EBF1: variants seen among roughly 807,000 people sequenced by gnomAD.
EBF1 encodes EBF transcription factor 1.
In EBF1, 10 loss-of-function variants were observed where a neutral mutation model predicts 68.4. That is an observed-to-expected ratio of 0.15 (90% CI 0.09 to 0.25). EBF1 has a LOEUF of 0.25. Among genes scored for constraint, EBF1 ranks in the 10% least tolerant of loss-of-function variants. The pLI, the probability that EBF1 is intolerant of heterozygous loss-of-function variation, is 1.00. For missense variants in EBF1, 509 were observed against 794.4 expected (o/e 0.64, Z 4.32); for synonymous variants, 298 against 299.8 (o/e 0.99, Z 0.06).
intron 6 of EBF1, among the ~76,000 whole-genome samples, chr5:158,878,593 G>A (rs185940742): frequency 6.6e-6 from 1 of 150,950 alleles, no homozygotes; most frequent in African/African-American, 2.4e-5. Flanking sequence ...ACACTCAGAC[G>A]AGTAATTTGA....
chr5:159,087,335 T>C lies in EBF1; in HGVS notation c.412-2596A>G, dbSNP rs191609688. On this transcript the variant is annotated intron_variant, in intron 4 of 15. Transcript: ENST00000313708. ...ACACATATATATACACATATATATA[T>C]ACACACACATATATATATACACATA... is the stretch of plus-strand genomic sequence containing the variant. Among the ~76,000 whole-genome samples, 14 of 139,142 alleles carry C rather than the reference T, an allele frequency of 1.0e-4. No individual in the cohort carries two copies. The East Asian group carries it at 1.6e-3, about 16-fold the overall frequency. 91.3% of individuals were successfully genotyped at this position (139,142 alleles called of 152,430 possible).
intron 10 of EBF1, among the ~76,000 whole-genome samples, chr5:158,747,175 C>T (rs1767769843): frequency 6.6e-6 from 1 of 152,162 alleles, no homozygotes; most frequent in African/African-American, 2.4e-5. Flanking sequence ...TAGTCAACAG[C>T]TGAATCACAA....
chr5:159,096,503 A>C (rs1584593308), intron 2 of EBF1, 97 bp from the exon 3 acceptor site: 1 of 1,430,642 alleles, frequency 7.0e-7, no homozygotes. Context: ...CCAAGCCGGG[A>C]CCCCCGCTGG....
At chr5:158,782,969 A>G (rs1022394090) in intron 9 of EBF1, among the ~76,000 whole-genome samples, 5 of 152,196 alleles carry the variant, frequency 3.3e-5, no homozygotes, top group Non-Finnish European at 7.4e-5. Context: ...TAAGTGGTAA[A>G]AAAGAAAAGG....
intron 6 of EBF1, among the ~76,000 whole-genome samples, chr5:158,926,886 C>G (rs150618835): frequency 6.6e-6 from 1 of 151,918 alleles, no homozygotes; most frequent in Non-Finnish European, 1.5e-5. Flanking sequence ...TAATTGCAAC[C>G]GAATCAATAC....
intron 10 of EBF1, among the ~76,000 whole-genome samples, chr5:158,747,382 G>C (rs1342976378): frequency 1.3e-5 from 2 of 152,190 alleles, no homozygotes; most frequent in South Asian, 2.1e-4. Flanking sequence ...GTGGCTGCTA[G>C]TCTTGGGTGA....
chr5:158,926,727 C>CA (rs1156550821), intron 6 of EBF1, among the ~76,000 whole-genome samples: 886 of 71,638 alleles, frequency 0.012, 6 homozygotes, highest in African/African-American at 0.029. Context: ...GACTACATTT[C>CA]AAAAAAAAAA....
intron 6 of EBF1, among the ~76,000 whole-genome samples, chr5:158,858,740 G>A (rs999268649): frequency 4.6e-5 from 7 of 152,156 alleles, no homozygotes; most frequent in Admixed American, 3.9e-4. Flanking sequence ...TTTAAAACGT[G>A]CCTCTATATT....
intron 6 of EBF1, among the ~76,000 whole-genome samples, chr5:159,038,273 G>T (rs751756803): frequency 7.9e-5 from 12 of 152,142 alleles, no homozygotes; most frequent in Non-Finnish European, 1.3e-4. Context: ...AACAGTGGAG[G>T]GAAATGAGGG....
intron 6 of EBF1, among the ~76,000 whole-genome samples, chr5:158,899,608 C>T (rs528126378): frequency 1.5e-4 from 23 of 152,290 alleles, no homozygotes; most frequent in Non-Finnish European, 2.9e-4. Flanking sequence ...AGAACACTTG[C>T]AATATAGGAA....
chr5:158,700,892 C>A (rs1453710380), intron 15 of EBF1, among the ~76,000 whole-genome samples: 2 of 152,042 alleles, frequency 1.3e-5, no homozygotes, highest in Non-Finnish European at 2.9e-5. Flanking sequence ...CCAACTTAAA[C>A]CCCCAAAGAC....
chr5:159,096,236 C>G (rs1782582758), intron 3 of EBF1, 107 bp downstream of exon 3: 1 of 1,217,022 alleles, frequency 8.2e-7, no homozygotes, highest in Non-Finnish European at 1.1e-6. Context: ...TCAAATAAAG[C>G]GGATGACTGA....
rs142174298 is a variant in EBF1 at position 158,832,276 on chromosome 5, T to C, written c.636+7753A>G. Among the ~76,000 whole-genome samples, 213 of 152,330 alleles carry C rather than the reference T, an allele frequency of 1.4e-3. 1 individual carries two copies. Among genetic ancestry groups the C allele is most frequent in the African/African-American group, 4.7e-3 (194 of 41,580 alleles). On this transcript the variant is annotated intron_variant, in intron 7 of 15. Coordinates refer to ENST00000313708, the MANE Select transcript of EBF1 (RefSeq NM_024007.5). ...ACTCATCAAATGCTGTTCATAAAGATTCCTTCTCAGTGATGCACACTTTCT... is the reference window on the plus strand; with the variant it reads ...ACTCATCAAATGCTGTTCATAAAGACTCCTTCTCAGTGATGCACACTTTCT...
chr5:158,696,789 G>T lies in EBF1; in HGVS notation c.*2322C>A, dbSNP rs1755836091. ...TGAAAACCATTGCAAAATCCATATGGGGGCATGCACAGTTGCAGCATTGTT... is the reference window on the plus strand; with the variant it reads ...TGAAAACCATTGCAAAATCCATATGTGGGCATGCACAGTTGCAGCATTGTT... On this transcript the variant is annotated 3_prime_UTR_variant, in exon 16 of 16. Transcript: ENST00000313708. 1 of 182,592 alleles carries T rather than the reference G, an allele frequency of 5.5e-6. No individual in the cohort carries two copies. Among genetic ancestry groups the T allele is most frequent in the Non-Finnish European group, 1.1e-5 (1 of 88,764 alleles). 11.3% of individuals were successfully genotyped at this position (182,592 alleles called of 1,614,324 possible). A position where few individuals can be genotyped will look rare whatever the true frequency, so the allele number is the denominator to read the frequency against.
chr5:159,038,410 G>A (rs2127766901), intron 6 of EBF1, among the ~76,000 whole-genome samples: 1 of 152,184 alleles, frequency 6.6e-6, no homozygotes, highest in Admixed American at 6.5e-5. Flanking sequence ...CAGTCGAGAT[G>A]GACCTACCTA....
At chr5:158,919,241 T>TG (rs1372452346) in intron 6 of EBF1, among the ~76,000 whole-genome samples, 2 of 152,040 alleles carry the variant, frequency 1.3e-5, no homozygotes, top group African/African-American at 4.8e-5. Flanking sequence ...TTAAGATTTT[T>TG]TTTTTTTTTG....
At chr5:158,725,944 C>T (rs1762904079) in intron 11 of EBF1, among the ~76,000 whole-genome samples, 1 of 152,160 alleles carries the variant, frequency 6.6e-6, no homozygotes. Flanking sequence ...GCAAATCTGA[C>T]TTGCAAGATC....
In EBF1 at chr5:159,072,056, T is replaced by G. The variant is rs549821638; in HGVS notation, c.554+1340A>C. On this transcript the variant is annotated intron_variant, in intron 6 of 15. Coordinates refer to ENST00000313708, the MANE Select transcript of EBF1 (RefSeq NM_024007.5). ...AACTATATGAACAGTATATCTGCTT[T>G]TGTAGATAAACATGTTATCCTAATT... 2.6e-5 allele frequency among the ~76,000 whole-genome samples: 4 copies of G among 152,334 alleles called. No homozygotes were observed. In the South Asian group the frequency reaches 8.3e-4, roughly 32 times the overall value.
chr5:158,921,858 C>G (rs1808509755), intron 6 of EBF1, among the ~76,000 whole-genome samples: 1 of 152,226 alleles, frequency 6.6e-6, no homozygotes, highest in Non-Finnish European at 1.5e-5. Context: ...CTGGCACAAA[C>G]ATATTGCAAA....
Sources: allele counts gnomAD v4.1 joint callset (sites outside exome capture counted in the v4.1 genomes callset), GRCh38; gene constraint gnomAD v4.1.1; transcripts MANE v1.5; gene names NCBI Gene and HGNC (gene_info 2026-07-23, HGNC 2026-07-21).